The following SNX29 variants were observed in gnomAD, a reference collection of about 807,000 sequenced individuals.
SNX29 encodes sorting nexin 29, also known as sorting nexin-29.
In SNX29, 78 loss-of-function variants were observed where a neutral mutation model predicts 102.1. The observed-to-expected ratio is 0.76, with a 90% CI of 0.64 to 0.92. The LOEUF is 0.92. Ranked by LOEUF, SNX29 falls within the 40% of genes least tolerant of loss-of-function variation. SNX29 has a pLI of 0.00. For missense variants in SNX29, 1,280 were observed against 1,061.7 expected, an observed-to-expected ratio of 1.21 and a Z score of -2.86; for synonymous variants, 580 against 414.5, an observed-to-expected ratio of 1.40 and a Z score of -4.85.
At chr16:12,266,788 G>C (rs1011427194) in intron 14 of SNX29, among the ~76,000 whole-genome samples, 1 of 151,668 alleles carries the variant, frequency 6.6e-6, no homozygotes, top group African/African-American at 2.4e-5. Context: ...CTTTGAGATG[G>C]AGTCTTGCTC....
intron 18 of SNX29, among the ~76,000 whole-genome samples, chr16:12,433,770 G>C (rs567526432): frequency 2.0e-5 from 3 of 152,290 alleles, no homozygotes; most frequent in African/African-American, 7.2e-5. Context: ...GTTGCAGTGA[G>C]CTGAGATTGT....
chr16:12,556,255 A>C (rs2856792), intron 20 of SNX29: 142,229 of 152,168 alleles, frequency 0.93, 67,135 homozygotes, highest in Middle Eastern at 0.99. Flanking sequence ...ACCCCACCTC[A>C]CTAAAGCTGG....
chr16:12,417,567 C>T (rs1381973170), intron 18 of SNX29, among the ~76,000 whole-genome samples: 1 of 151,828 alleles, frequency 6.6e-6, no homozygotes, highest in African/African-American at 2.4e-5. Flanking sequence ...TTCTGTTTCC[C>T]TCTTTCCTCC....
rs538854799 is a variant in SNX29, at chr16:12,440,357, CTG to C, written c.2037+36831_2037+36832del. Among the ~76,000 whole-genome samples, 3 of 152,328 alleles carry C rather than the reference CTG, an allele frequency of 2.0e-5. No homozygotes were observed. In the South Asian group the frequency reaches 6.2e-4, roughly 32 times the overall value. On this transcript the variant is annotated intron_variant, in intron 18 of 20. Transcript: ENST00000566228. ...AGGTTTTCATCACCCTGGAGAAACTCTGTGGCTGTTAGCAGGCAGTCTCCATC... is the reference window on the plus strand; with the variant it reads ...AGGTTTTCATCACCCTGGAGAAACTCTGGCTGTTAGCAGGCAGTCTCCATC...
chr16:12,527,364 T>A (rs759155230), intron 20 of SNX29: 42 of 503,312 alleles, frequency 8.3e-5, no homozygotes, highest in African/African-American at 7.3e-4. Context: ...TAAAAAAAAA[T>A]AAAAAATAAA....
chr16:12,317,239 G>C (rs1003023779), intron 15 of SNX29, among the ~76,000 whole-genome samples: 3 of 152,172 alleles, frequency 2.0e-5, no homozygotes, highest in African/African-American at 7.2e-5. Context: ...CTTGGCTGCT[G>C]GCTGTCACTC....
Position 12,572,265 on chromosome 16 carries a change from GC to G in SNX29, c.*3637del. 1 of 1,060,128 alleles carries G rather than the reference GC, an allele frequency of 9.4e-7. No individual in the cohort carries two copies. The highest frequency in any genetic ancestry group is 1.1e-6 in the Non-Finnish European group (1 of 875,438). 65.7% of individuals were successfully genotyped at this position (1,060,128 alleles called of 1,614,324 possible). ...CAGGTGGATTGATACCATGGCTGTA[GC>G]TGATGCAACTAACAAGTACTGGGGC... On this transcript the variant is annotated 3_prime_UTR_variant, in exon 21 of 21. Transcript: ENST00000566228.
intron 19 of SNX29, among the ~76,000 whole-genome samples, chr16:12,514,734 A>G (rs898122376): frequency 1.3e-5 from 2 of 152,080 alleles, no homozygotes; most frequent in Admixed American, 1.3e-4. Context: ...GCGTGGTGGC[A>G]TGTACCTGTA....
intron 16 of SNX29, among the ~76,000 whole-genome samples, chr16:12,393,612 C>T (rs1433194277): frequency 6.6e-6 from 1 of 152,162 alleles, no homozygotes; most frequent in African/African-American, 2.4e-5. Context: ...TAGAGGGTTA[C>T]AGTGGAGACA....
chr16:12,537,341 C>G (rs1199690438), intron 20 of SNX29, among the ~76,000 whole-genome samples: 3 of 152,194 alleles, frequency 2.0e-5, no homozygotes, highest in East Asian at 1.9e-4. Context: ...TAGTAAATTC[C>G]TACAGGAGCT....
At chr16:12,389,354 G>A (rs886704575) in intron 16 of SNX29, among the ~76,000 whole-genome samples, 4 of 152,108 alleles carry the variant, frequency 2.6e-5, no homozygotes, top group African/African-American at 4.8e-5. Flanking sequence ...GGAAATAATC[G>A]AATCACGGGG....
chr16:12,121,914 C>T (rs972589771), intron 11 of SNX29, among the ~76,000 whole-genome samples: 1 of 152,322 alleles, frequency 6.6e-6, no homozygotes, highest in African/African-American at 2.4e-5. Context: ...CTCCCGGGTT[C>T]AAGTGATTCT....
chr16:12,455,770 A>G (rs2086511749), intron 18 of SNX29, among the ~76,000 whole-genome samples: 1 of 152,190 alleles, frequency 6.6e-6, no homozygotes, highest in African/African-American at 2.4e-5. Flanking sequence ...TCACTGCCAG[A>G]TGCTTATAAG....
chr16:12,555,206 T>A (rs113944745), intron 20 of SNX29, among the ~76,000 whole-genome samples: 2 of 151,880 alleles, frequency 1.3e-5, no homozygotes, highest in South Asian at 4.2e-4. Context: ...GACTGGACTA[T>A]GGGCAGCTGC....
chr16:12,137,787 A>G (rs2054716037), intron 13 of SNX29, among the ~76,000 whole-genome samples: 1 of 152,228 alleles, frequency 6.6e-6, no homozygotes, highest in African/African-American at 2.4e-5. Context: ...GGAATTGAGA[A>G]GGTCAGGCAT....
intron 13 of SNX29, among the ~76,000 whole-genome samples, chr16:12,174,944 C>G (rs887165013): frequency 1.3e-5 from 2 of 151,900 alleles, no homozygotes; most frequent in East Asian, 3.9e-4. Flanking sequence ...AAAAAAACAA[C>G]CAATTATCTT....
At chr16:12,534,718 C>T (rs1299986615) in intron 20 of SNX29, among the ~76,000 whole-genome samples, 1 of 152,222 alleles carries the variant, frequency 6.6e-6, no homozygotes, top group East Asian at 1.9e-4. Flanking sequence ...ACTCCCCTGT[C>T]ACTCACTGCC....
chr16:12,450,598 G>A (rs113793981), intron 18 of SNX29, among the ~76,000 whole-genome samples: 3,152 of 152,312 alleles, frequency 0.021, 57 homozygotes, highest in Non-Finnish European at 0.031. Flanking sequence ...TGTGAGAGAA[G>A]GGAAGACGGA....
rs1464629641 is a variant in SNX29 at position 12,515,695 on chromosome 16, C to G, written c.2179-9007C>G. On this transcript the variant is annotated intron_variant, in intron 19 of 20. Transcript: ENST00000566228. ...TCTTTATGATGTATTCACGTATCTG[C>G]TTGTTGGCTCTACTGGATCTAAGCT... 17 of 457,368 alleles carry G rather than the reference C, an allele frequency of 3.7e-5. No homozygotes were observed. In the East Asian group the frequency reaches 9.0e-4, roughly 24 times the overall value. The allele number at this position is 457,368 out of a possible 1,614,324, so 28.3% of individuals were successfully genotyped here.
Sources: allele counts gnomAD v4.1 joint callset (sites outside exome capture counted in the v4.1 genomes callset), GRCh38; gene constraint gnomAD v4.1.1; transcripts MANE v1.5; gene names NCBI Gene and HGNC (gene_info 2026-07-23, HGNC 2026-07-21).